RBFOX1: variants seen among roughly 807,000 people sequenced by gnomAD.
RBFOX1 encodes the protein RNA binding protein fox-1 homolog 1.
RBFOX1 carries 8 observed loss-of-function variants against 57.7 expected under a neutral mutation model. The ratio of observed to expected loss-of-function variants is 0.14; its 90% confidence interval spans 0.08 to 0.25. The LOEUF (loss-of-function observed/expected upper bound fraction) is 0.25. Among genes scored for constraint, RBFOX1 ranks in the 10% least tolerant of loss-of-function variants. RBFOX1 has a pLI of 1.00. For missense variants in RBFOX1, 611 were observed against 548.5 expected (o/e 1.11, Z -1.14); for synonymous variants, 326 against 222.4 (o/e 1.47, Z -4.15).
chr16:7,559,231 G>A (rs936061783), intron 5 of RBFOX1, among the ~76,000 whole-genome samples: 2 of 152,182 alleles, frequency 1.3e-5, no homozygotes, highest in Non-Finnish European at 2.9e-5. Context: ...TCAGTGGTGA[G>A]CCTCTCCATC....
chr16:5,473,141 C>T (rs1410701397), intron 2 of RBFOX1, among the ~76,000 whole-genome samples: 1 of 152,172 alleles, frequency 6.6e-6, no homozygotes, highest in Non-Finnish European at 1.5e-5. Flanking sequence ...TTTTCCATGG[C>T]ACTCAGCATG....
chr16:6,431,410 T>C (rs1031366706), intron 2 of RBFOX1, among the ~76,000 whole-genome samples: 16 of 151,884 alleles, frequency 1.1e-4, no homozygotes, highest in African/African-American at 3.9e-4. Context: ...AGGAGCGTTT[T>C]GGTGGCATGC....
intron 4 of RBFOX1, among the ~76,000 whole-genome samples, chr16:5,963,058 C>A (rs1264468596): frequency 2.0e-5 from 3 of 151,892 alleles, no homozygotes; most frequent in African/African-American, 7.3e-5. Flanking sequence ...GTATCCTGAT[C>A]GTAATATGTG....
chr16:5,264,781 A>T (rs1481689122), intron 1 of RBFOX1, among the ~76,000 whole-genome samples: 1 of 152,054 alleles, frequency 6.6e-6, no homozygotes, highest in Non-Finnish European at 1.5e-5. Flanking sequence ...GCTCTCTAGC[A>T]TTCTTCTCCC....
chr16:5,400,406 C>G (rs1383290928), intron 1 of RBFOX1, among the ~76,000 whole-genome samples: 3 of 152,080 alleles, frequency 2.0e-5, no homozygotes, highest in African/African-American at 7.2e-5. Flanking sequence ...GCTTGCTTCT[C>G]TCTTTGTACA....
At chr16:6,977,999 T>G (rs2087565388) in intron 3 of RBFOX1, among the ~76,000 whole-genome samples, 1 of 149,310 alleles carries the variant, frequency 6.7e-6, no homozygotes, top group Admixed American at 6.6e-5. Context: ...TGCAAGACAC[T>G]CAGCATTCTT....
intron 3 of RBFOX1, among the ~76,000 whole-genome samples, chr16:6,765,279 C>T (rs2077175761): frequency 6.6e-6 from 1 of 152,134 alleles, no homozygotes; most frequent in Non-Finnish European, 1.5e-5. Context: ...TGATTGCAAA[C>T]ACAATATATA....
At chr16:7,571,083 G>A (rs898316475) in intron 5 of RBFOX1, among the ~76,000 whole-genome samples, 2 of 152,160 alleles carry the variant, frequency 1.3e-5, no homozygotes, top group East Asian at 1.9e-4. Context: ...GGGAAGGGGC[G>A]AAGGGAGAGC....
At chr16:6,182,940 T>G (rs2097075770) in intron 1 of RBFOX1, among the ~76,000 whole-genome samples, 1 of 152,224 alleles carries the variant, frequency 6.6e-6, no homozygotes, top group South Asian at 2.1e-4. Flanking sequence ...AATGTGTTTA[T>G]ACTAATTTAG....
chr16:6,786,339 C>T (rs58270678), intron 3 of RBFOX1, among the ~76,000 whole-genome samples: 2 of 152,016 alleles, frequency 1.3e-5, no homozygotes, highest in Admixed American at 6.6e-5. Context: ...CCACAATGTA[C>T]CCCCACAATG....
At chr16:6,568,696 T>A (rs894841866) in intron 2 of RBFOX1, among the ~76,000 whole-genome samples, 5 of 152,256 alleles carry the variant, frequency 3.3e-5, no homozygotes, top group African/African-American at 1.2e-4. Flanking sequence ...TAACAGTAAA[T>A]CATTTCCTAA....
chr16:6,520,902 A>G (rs557289207), intron 2 of RBFOX1, among the ~76,000 whole-genome samples: 2 of 152,318 alleles, frequency 1.3e-5, no homozygotes, highest in South Asian at 2.1e-4. Flanking sequence ...AAAAAATCCA[A>G]TAAAATTTCT....
chr16:7,626,927 G>T (rs1302501593), intron 10 of RBFOX1, among the ~76,000 whole-genome samples: 1 of 152,184 alleles, frequency 6.6e-6, no homozygotes, highest in Non-Finnish European at 1.5e-5. Context: ...TCTACCGCAG[G>T]TGGATTTTGT....
At chr16:6,319,461 C>G (rs1567928018) in intron 2 of RBFOX1, among the ~76,000 whole-genome samples, 1 of 152,112 alleles carries the variant, frequency 6.6e-6, no homozygotes, top group Non-Finnish European at 1.5e-5. Flanking sequence ...ACAGGTACAA[C>G]AATGGAAAGC....
At chr16:6,904,038 C>T (rs533963499) in intron 3 of RBFOX1, among the ~76,000 whole-genome samples, 204 of 152,258 alleles carry the variant, frequency 1.3e-3, no homozygotes, top group Non-Finnish European at 2.1e-3. Flanking sequence ...CACCTGAGGT[C>T]ATACAGAGAT....
At chr16:5,676,632 A>G (rs2050177321) in intron 3 of RBFOX1, among the ~76,000 whole-genome samples, 3 of 152,210 alleles carry the variant, frequency 2.0e-5, no homozygotes, top group Admixed American at 2.0e-4. Flanking sequence ...AGGCTGAAGC[A>G]GGAAGATCAC....
At chr16:5,652,486 C>T (rs908974104) in intron 3 of RBFOX1, among the ~76,000 whole-genome samples, 3 of 152,156 alleles carry the variant, frequency 2.0e-5, no homozygotes, top group African/African-American at 7.2e-5. Context: ...AAATTATTAT[C>T]TTTAATCAGA....
chr16:7,142,294 G>C (rs980731666), intron 4 of RBFOX1, among the ~76,000 whole-genome samples: 1 of 152,134 alleles, frequency 6.6e-6, no homozygotes, highest in Non-Finnish European at 1.5e-5. Flanking sequence ...AAAGTGGCGG[G>C]ATTATGGACA....
intron 1 of RBFOX1, among the ~76,000 whole-genome samples, chr16:5,276,116 T>C (rs754330984): frequency 3.9e-5 from 6 of 152,190 alleles, no homozygotes; most frequent in Non-Finnish European, 8.8e-5. Flanking sequence ...TTCTACACAT[T>C]GGCTTAGGCA....
Sources: allele counts gnomAD v4.1 joint callset (sites outside exome capture counted in the v4.1 genomes callset), GRCh38; gene constraint gnomAD v4.1.1; transcripts MANE v1.5; gene names NCBI Gene and HGNC (gene_info 2026-07-23, HGNC 2026-07-21).